Variants in SLC28A3 observed in about 807,000 individuals in gnomAD.
SLC28A3 encodes the protein concentrative Na(+)-nucleoside cotransporter 3.
In SLC28A3, 68 loss-of-function variants were observed where a neutral mutation model predicts 84.2. The observed-to-expected ratio is 0.81, with a 90% confidence interval of 0.66 to 0.99. The LOEUF (loss-of-function observed/expected upper bound fraction) is 0.99, where lower values mean the gene tolerates loss of function less well. Among genes scored for constraint, SLC28A3 ranks in the 50% least tolerant of loss-of-function variants. The pLI, the probability that SLC28A3 is intolerant of heterozygous loss-of-function variation, is 0.00. For missense variants in SLC28A3, 712 were observed against 841.5 expected (o/e 0.85, Z 1.90); for synonymous variants, 267 against 303.6 (o/e 0.88, Z 1.25).
chr9:84,334,290 C>T (rs113360012), intron 1 of SLC28A3, among the ~76,000 whole-genome samples: 19,591 of 152,072 alleles, frequency 0.13, 3,212 homozygotes, highest in African/African-American at 0.38. Context: ...CAGAGCGAGA[C>T]TCTGTCTCAA....
chr9:84,305,820 C>T (rs532536213), intron 3 of SLC28A3, among the ~76,000 whole-genome samples: 124 of 152,300 alleles, frequency 8.1e-4, no homozygotes, highest in Admixed American at 3.1e-3. Context: ...TCACCATCCC[C>T]GTTAGTCCAA....
intron 1 of SLC28A3, among the ~76,000 whole-genome samples, chr9:84,328,928 CAACA>C (rs954279568): frequency 2.0e-5 from 3 of 151,864 alleles, no homozygotes; most frequent in Admixed American, 6.6e-5. Context: ...ACCCTATCTC[CAACA>C]AACAAACAAA....
At position 84,313,389 on chromosome 9, in the gene SLC28A3, C is replaced by T. The variant is rs1486664006; in HGVS notation, c.126G>A (p.Val42=). 3.1e-6 allele frequency: 5 copies of T among 1,613,980 alleles called. No homozygotes were observed. Among genetic ancestry groups the T allele is most frequent in the Non-Finnish European group, 4.2e-6 (5 of 1,180,006 alleles). ...TGGTGTTTGTGTGCTCCCTGCTTTG[C>T]ACAGCTCTGCTTCTTATTGAGTTGT... ...SGNNSIRSRA[V]QSREHTNTKQ... Residue 42 remains valine, a synonymous_variant, in exon 2 of 18, where the codon GTG becomes GTA. Coordinates refer to ENST00000376238, the MANE Select transcript of SLC28A3 (RefSeq NM_001199633.2).
At position 84,328,530 on chromosome 9, in the gene SLC28A3, G is replaced by A. The variant is rs1029409262; in HGVS notation, c.60+12044C>T. On this transcript the variant is annotated intron_variant, in intron 1 of 17. Transcript: ENST00000376238. Reference sequence around the variant, plus strand: ...TCCCAGCACTTTGGGAGGCTGAGGCGGGTGGATCACCTGAGGTCAGGAGTT... The same window carrying A: ...TCCCAGCACTTTGGGAGGCTGAGGCAGGTGGATCACCTGAGGTCAGGAGTT... 7.2e-5 allele frequency among the ~76,000 whole-genome samples: 11 copies of A among 152,018 alleles called. No individual in the cohort carries two copies. In the South Asian group the frequency reaches 1.7e-3, roughly 23 times the overall value.
rs182511421 is a variant in SLC28A3, at chr9:84,283,426, A to G, written c.1647+1919T>C. Among the ~76,000 whole-genome samples, 280 of 152,376 alleles carry G rather than the reference A, an allele frequency of 1.8e-3. 5 individuals carry two copies. The highest frequency in any genetic ancestry group is 5.3e-4 in the Non-Finnish European group (36 of 68,038). ...GTTAAGATGAATTACGGTGTGCTAT[A>G]CAATAGAATACTATGTCACAGGCAC... On this transcript the variant is annotated intron_variant, in intron 14 of 17. Transcript: ENST00000376238.
chr9:84,332,601 T>C (rs1265077700), intron 1 of SLC28A3, among the ~76,000 whole-genome samples: 1 of 152,212 alleles, frequency 6.6e-6, no homozygotes, highest in African/African-American at 2.4e-5. Flanking sequence ...TGCTTGCCTC[T>C]GGAAAGAACA....
intron 3 of SLC28A3, among the ~76,000 whole-genome samples, chr9:84,306,849 A>G (rs1825807542): frequency 6.6e-6 from 1 of 151,998 alleles, no homozygotes; most frequent in Admixed American, 6.6e-5. Flanking sequence ...TGAAGCCCAC[A>G]TAGTAACCAC....
Position 84,277,897 on chromosome 9 carries a change from G to A in SLC28A3, c.*321C>T. On this transcript the variant is annotated 3_prime_UTR_variant, in exon 18 of 18. Coordinates refer to ENST00000376238, the MANE Select transcript of SLC28A3 (RefSeq NM_001199633.2). ...GGGTGAGTCAGAGCCCAGTTGTTGG[G>A]AGCGGCCGTTTATAGCTGTATTCTG... 3.9e-6 allele frequency: 1 copy of A among 258,920 alleles called. No homozygotes were observed. The highest frequency in any genetic ancestry group is 7.5e-6 in the Non-Finnish European group (1 of 133,262). The allele number at this position is 258,920 out of a possible 1,614,324, so 16.0% of individuals were successfully genotyped here. A position where few individuals can be genotyped will look rare whatever the true frequency, so the allele number is the denominator to read the frequency against.
intron 1 of SLC28A3, among the ~76,000 whole-genome samples, chr9:84,323,586 G>A (rs1340930173): frequency 6.6e-6 from 1 of 151,780 alleles, no homozygotes; most frequent in African/African-American, 2.4e-5. Flanking sequence ...CACTGTGCCC[G>A]GCTAATTTTT....
chr9:84,299,749 T>C (rs759910951), intron 5 of SLC28A3, 24 bp from the exon 6 acceptor site: 2 of 1,557,406 alleles, frequency 1.3e-6, no homozygotes, highest in African/African-American at 1.4e-5. Context: ...AAAGGAGGCA[T>C]TGGCATCATT....
chr9:84,336,358 G>A (rs907320074), intron 1 of SLC28A3, among the ~76,000 whole-genome samples: 1 of 151,918 alleles, frequency 6.6e-6, no homozygotes, highest in African/African-American at 2.4e-5. Flanking sequence ...AAAAAAAGTA[G>A]CCAGGTGTGG....
At chr9:84,309,523 CAA>C (rs71366931) in intron 3 of SLC28A3, 104 bp downstream of exon 3, 31,125 of 233,770 alleles carry the variant, frequency 0.13, 113 homozygotes, top group African/African-American at 0.16. Flanking sequence ...ACTCTTATCT[CAA>C]AAAAAAAAAA....
chr9:84,299,778 A>T, intron 5 of SLC28A3, 53 bp from the exon 6 acceptor site: 1 of 1,530,708 alleles, frequency 6.5e-7, no homozygotes, highest in Non-Finnish European at 8.7e-7. Flanking sequence ...TAACTTGAGA[A>T]TCATAATCAG....
At chr9:84,319,941 T>G (rs1826305477) in intron 1 of SLC28A3, among the ~76,000 whole-genome samples, 1 of 152,206 alleles carries the variant, frequency 6.6e-6, no homozygotes, top group Admixed American at 6.5e-5. Context: ...TATTAATTTT[T>G]TATTGCCCTG....
the SLC28A3 span, among the ~76,000 whole-genome samples, chr9:84,366,071 A>T: frequency 6.6e-6 from 1 of 152,032 alleles, no homozygotes; most frequent in Non-Finnish European, 1.5e-5. Flanking sequence ...AACAAAAAAA[A>T]GATTGGGTGC....
chr9:84,305,219 A>AAT, intron 4 of SLC28A3, 35 bp downstream of exon 4: 1 of 1,438,982 alleles, frequency 6.9e-7, no homozygotes, highest in Non-Finnish European at 9.5e-7. Context: ...AAAAAAAAAA[A>AAT]GACAGTGGTA....
chr9:84,315,494 C>CAG (rs59921181), intron 1 of SLC28A3, among the ~76,000 whole-genome samples: 53,297 of 151,960 alleles, frequency 0.35, 13,162 homozygotes, highest in African/African-American at 0.69. Flanking sequence ...TGGTGGAACA[C>CAG]GGGTGGATCC....
At chr9:84,344,649 G>A (rs1464340584), upstream of SLC28A3, among the ~76,000 whole-genome samples, 3 of 152,104 alleles carry the variant, frequency 2.0e-5, no homozygotes, top group African/African-American at 7.2e-5. Context: ...TCTAAGGGCA[G>A]CCACTATAAA....
intron 1 of SLC28A3, among the ~76,000 whole-genome samples, chr9:84,334,496 A>T (rs1319649764): frequency 6.6e-6 from 1 of 152,212 alleles, no homozygotes; most frequent in Non-Finnish European, 1.5e-5. Flanking sequence ...GAAGGGAGGC[A>T]GCAGTGATGA....
Sources: gnomAD v4.1 joint callset for allele counts (sites outside exome capture counted in the v4.1 genomes callset) on GRCh38, gnomAD v4.1.1 for gene constraint, MANE v1.5 for transcripts, NCBI Gene and HGNC (gene_info 2026-07-23, HGNC 2026-07-21) for gene names.